Variants in IQSEC3 observed in about 807,000 individuals in gnomAD.
The protein encoded by IQSEC3 is IQ motif and SEC7 domain-containing protein 3.
In IQSEC3, 50 loss-of-function variants were observed where a neutral mutation model predicts 105.4. The ratio of observed to expected loss-of-function variants is 0.47; its 90% confidence interval spans 0.38 to 0.60. The LOEUF is 0.60. Ranked by LOEUF, IQSEC3 falls within the 20% of genes least tolerant of loss-of-function variation. The probability of loss-of-function intolerance (pLI) is 0.00; values close to 1 mark genes in which losing one functional copy is unlikely to be tolerated. For synonymous variants in IQSEC3, 708 were observed against 746.0 expected, an observed-to-expected ratio of 0.95 and a Z score of 0.83; for missense variants, 1,415 against 1,630.0, an observed-to-expected ratio of 0.87 and a Z score of 2.27.
At position 139,138 on chromosome 12, in the gene IQSEC3, G is replaced by A; in HGVS notation, c.1775G>A (p.Gly592Asp). Residue 592 changes from glycine to aspartate, a missense_variant, in exon 4 of 14, where the codon GGC becomes GAC. By Grantham distance (94) the Gly-to-Asp change is moderately conservative (BLOSUM62 -1). This residue lies in a region of IQSEC3 where 720 missense variants were observed against 633.0 expected (regional missense o/e 1.14). Transcript: ENST00000538872. The part of the protein sequence containing the change: ...EVGRGAEAEA[G>D]DLEQLSSSST... ...GGGAGAGGGGCCGAGGCCGAGGCAG[G>A]CGACTTGGAGCAGCTGAGCAGCAGC... The A allele has an allele frequency of 6.6e-7, 1 of 1,526,280 alleles. No homozygotes were observed. Among genetic ancestry groups the A allele is most frequent in the Non-Finnish European group, 8.8e-7 (1 of 1,134,372 alleles). 94.5% of individuals were successfully genotyped at this position (1,526,280 alleles called of 1,614,324 possible).
intron 5 of IQSEC3, chr12:142,044 C>A (rs888318224): frequency 6.6e-6 from 1 of 152,270 alleles, no homozygotes; most frequent in Non-Finnish European, 1.5e-5. Context: ...CCCTGCCATG[C>A]CCCCGTGCTC....
intron 2 of IQSEC3, among the ~76,000 whole-genome samples, chr12:122,054 C>T (rs1030860525): frequency 1.3e-5 from 2 of 152,186 alleles, no homozygotes; most frequent in Non-Finnish European, 2.9e-5. Context: ...GGCCACCTTC[C>T]ACCACACGGT....
chr12:131,218 T>C (rs573329797), intron 3 of IQSEC3, among the ~76,000 whole-genome samples: 172 of 152,358 alleles, frequency 1.1e-3, no homozygotes, highest in Middle Eastern at 3.4e-3. Flanking sequence ...CCCCTGCCGC[T>C]GCTTCTTCTG....
chr12:171,647 C>A (rs1555100361), intron 13 of IQSEC3, among the ~76,000 whole-genome samples: 5 of 152,204 alleles, frequency 3.3e-5, no homozygotes, highest in Non-Finnish European at 7.3e-5. Context: ...AGACCCTGCC[C>A]TCTTGGACAC....
chr12:139,376 G>C, intron 4 of IQSEC3, 22 bp downstream of exon 4: 1 of 1,515,588 alleles, frequency 6.6e-7, no homozygotes, highest in South Asian at 1.2e-5. Context: ...CCGGCCCCCA[G>C]CCCGGAGTCC....
At chr12:113,343 C>A (rs1201081480) in intron 2 of IQSEC3, among the ~76,000 whole-genome samples, 1 of 152,228 alleles carries the variant, frequency 6.6e-6, no homozygotes, top group African/African-American at 2.4e-5. Flanking sequence ...CATTTTACAG[C>A]TGAGGAAATA....
At chr12:69,727 C>A (rs1863237108) in intron 1 of IQSEC3, among the ~76,000 whole-genome samples, 1 of 152,262 alleles carries the variant, frequency 6.6e-6, no homozygotes, top group Non-Finnish European at 1.5e-5. Context: ...CTGGACCACT[C>A]ATTTCTTTCC....
rs564389836 is a variant in IQSEC3, at chr12:170,916, G to A, written c.3065-196G>A. On this transcript the variant is annotated intron_variant, in intron 12 of 13. Coordinates refer to ENST00000538872, the MANE Select transcript of IQSEC3 (RefSeq NM_001170738.2). ...GAGCGGCAGCGATCTTCTAGTCTGC[G>A]GCAGCCCAGAGAGATGTAGCATCTC... 3.3e-5 allele frequency among the ~76,000 whole-genome samples: 5 copies of A among 152,328 alleles called. No homozygotes were observed. In the South Asian group the frequency reaches 6.2e-4, roughly 19 times the overall value.
At chr12:123,316 C>T (rs1237516336) in intron 2 of IQSEC3, among the ~76,000 whole-genome samples, 1 of 152,102 alleles carries the variant, frequency 6.6e-6, no homozygotes, top group Non-Finnish European at 1.5e-5. Flanking sequence ...GCGTACCCAC[C>T]TGGAGTCCCA....
chr12:161,810 C>T, intron 7 of IQSEC3, 116 bp from the exon 8 acceptor site: 1 of 1,072,728 alleles, frequency 9.3e-7, no homozygotes, highest in East Asian at 2.6e-5. Flanking sequence ...ATGGCAAGAA[C>T]CAAGGCCACC....
chr12:135,273 T>C (rs1356751779), intron 3 of IQSEC3, among the ~76,000 whole-genome samples: 2 of 152,252 alleles, frequency 1.3e-5, no homozygotes, highest in Non-Finnish European at 2.9e-5. Flanking sequence ...AGGACTTTCC[T>C]GCCTGAGCCA....
intron 2 of IQSEC3, among the ~76,000 whole-genome samples, chr12:118,797 G>A (rs550034581): frequency 2.6e-5 from 4 of 152,118 alleles, no homozygotes; most frequent in African/African-American, 9.7e-5. Context: ...TCCTCTCCTG[G>A]CTCTCACATA....
chr12:131,068 G>A (rs189245944), intron 3 of IQSEC3, among the ~76,000 whole-genome samples: 60 of 147,214 alleles, frequency 4.1e-4, no homozygotes, highest in Middle Eastern at 3.6e-3. Flanking sequence ...CCCCCAGCTA[G>A]CGGCTCTTCC....
At chr12:126,669 T>C (rs1396891346) in intron 3 of IQSEC3, among the ~76,000 whole-genome samples, 9 of 152,148 alleles carry the variant, frequency 5.9e-5, no homozygotes, top group African/African-American at 2.2e-4. Flanking sequence ...CTTCCTCCTA[T>C]GAACTCAGTG....
At chr12:116,191 A>C (rs959478540) in intron 2 of IQSEC3, among the ~76,000 whole-genome samples, 3 of 152,134 alleles carry the variant, frequency 2.0e-5, no homozygotes, top group African/African-American at 7.2e-5. Flanking sequence ...GAGGCACAGG[A>C]GTTTAAGCGA....
At chr12:108,425 A>G (rs1864756239) in intron 2 of IQSEC3, among the ~76,000 whole-genome samples, 6 of 152,128 alleles carry the variant, frequency 3.9e-5, no homozygotes, top group Admixed American at 6.5e-5. Context: ...CCTTTTTCTC[A>G]TAAGGTTTGT....
At chr12:84,563 G>GC (rs1435847002) in intron 1 of IQSEC3, among the ~76,000 whole-genome samples, 2 of 152,220 alleles carry the variant, frequency 1.3e-5, no homozygotes, top group Non-Finnish European at 2.9e-5. Flanking sequence ...TATGTGCATT[G>GC]TTGTAAGAGC....
At chr12:173,453 A>G (rs184575624) in intron 13 of IQSEC3, among the ~76,000 whole-genome samples, 1 of 152,246 alleles carries the variant, frequency 6.6e-6, no homozygotes, top group African/African-American at 2.4e-5. Context: ...TGCAGCCAAC[A>G]AACAGGATGA....
intron 2 of IQSEC3, among the ~76,000 whole-genome samples, chr12:113,213 T>A (rs530734162): frequency 6.6e-6 from 1 of 152,352 alleles, no homozygotes; most frequent in East Asian, 1.9e-4. Context: ...ACAACCAGCA[T>A]CGATACTGCA....
Sources: allele counts gnomAD v4.1 joint callset (sites outside exome capture counted in the v4.1 genomes callset), GRCh38; gene constraint gnomAD v4.1.1; regional missense constraint gnomAD v4.1.1; transcripts MANE v1.5; gene names NCBI Gene and HGNC (gene_info 2026-07-23, HGNC 2026-07-21).